Variants in NF1 observed in about 807,000 individuals in gnomAD.
The protein encoded by NF1 is neurofibromin.
In NF1, 122 loss-of-function variants were observed where a neutral mutation model predicts 325.7. That is an observed-to-expected ratio of 0.37 (90% CI 0.32 to 0.44). The LOEUF (loss-of-function observed/expected upper bound fraction) is 0.44, where lower values mean the gene tolerates loss of function less well. Among genes scored for constraint, NF1 ranks in the 20% least tolerant of loss-of-function variants. NF1 has a pLI of 1.00. For missense variants in NF1, 2,140 were observed against 3,415.4 expected (o/e 0.63, Z 9.31); for synonymous variants, 1,091 against 1,186.0 (o/e 0.92, Z 1.65).
Position 31,232,895 on chromosome 17 carries a change from A to G in NF1, c.3496+14A>G, listed in dbSNP as rs2151434934. The G allele has an allele frequency of 8.1e-6, 13 of 1,614,082 alleles. No individual in the cohort carries two copies. The highest frequency in any genetic ancestry group is 6.7e-5 in the African/African-American group (5 of 75,050). On this transcript the variant is annotated intron_variant, in intron 26 of 57. Coordinates refer to ENST00000358273, the MANE Select transcript of NF1 (RefSeq NM_001042492.3). The stretch of plus-strand genomic sequence containing the variant: ...TGCACTCCATAGGTGAGATCAAATG[A>G]AAGTTTCATATAGAAATACAAAACC...
chr17:31,164,441 CAAGTA>C (rs1057092455), intron 4 of NF1, among the ~76,000 whole-genome samples: 4 of 152,076 alleles, frequency 2.6e-5, no homozygotes, highest in Admixed American at 1.3e-4. Context: ...CTTTCTAAGG[CAAGTA>C]AAGTCAGATG....
chr17:31,188,874 A>G (rs1416875782), intron 8 of NF1, among the ~76,000 whole-genome samples: 1 of 152,092 alleles, frequency 6.6e-6, no homozygotes, highest in Non-Finnish European at 1.5e-5. Context: ...CAGTTTTGGA[A>G]CTTGGACTGG....
chr17:31,330,229 A>G (rs2151544194), intron 38 of NF1, 67 bp from the exon 39 acceptor site: 2 of 1,315,966 alleles, frequency 1.5e-6, no homozygotes, highest in East Asian at 2.3e-5. Context: ...ATTGTATGTT[A>G]TGAAAAAATT....
At chr17:31,108,910 T>C (rs1401734637) in intron 1 of NF1, among the ~76,000 whole-genome samples, 7 of 152,182 alleles carry the variant, frequency 4.6e-5, no homozygotes, top group Non-Finnish European at 8.8e-5. Context: ...ACCTGCACTT[T>C]TTCACAGGGA....
chr17:31,254,589 T>C (rs2067550635), intron 31 of NF1, among the ~76,000 whole-genome samples: 1 of 152,294 alleles, frequency 6.6e-6, no homozygotes, highest in Admixed American at 6.5e-5. Flanking sequence ...ACACTCTTGT[T>C]CAGTGTTATA....
At chr17:31,295,045 G>C in intron 36 of NF1, 1 of 1,614,118 alleles carries the variant, frequency 6.2e-7, no homozygotes, top group Non-Finnish European at 8.5e-7. Flanking sequence ...TGAGCAATAA[G>C]AGAAATGAAG....
intron 1 of NF1, among the ~76,000 whole-genome samples, chr17:31,134,462 ATTAG>A (rs1041502544): frequency 6.6e-6 from 1 of 152,144 alleles, no homozygotes; most frequent in African/African-American, 2.4e-5. Context: ...GAACATATTT[ATTAG>A]TTATTTATTG....
intron 1 of NF1, among the ~76,000 whole-genome samples, chr17:31,105,968 T>C (rs141346017): frequency 6.6e-5 from 10 of 152,358 alleles, no homozygotes; most frequent in African/African-American, 2.4e-4. Flanking sequence ...ATTTAACTTA[T>C]TTTTAATCAA....
chr17:31,197,226 T>G (rs1419324057), intron 8 of NF1, among the ~76,000 whole-genome samples: 1 of 151,986 alleles, frequency 6.6e-6, no homozygotes, highest in African/African-American at 2.4e-5. Context: ...TTTTGTATTT[T>G]TAGTAGAAAC....
At chr17:31,304,444 G>A in intron 36 of NF1, 6 of 1,614,132 alleles carry the variant, frequency 3.7e-6, no homozygotes, top group Non-Finnish European at 5.1e-6. Context: ...TATTATCTCA[G>A]ATTTATGATC....
chr17:31,156,852 T>C (rs1012310903), intron 2 of NF1, among the ~76,000 whole-genome samples: 2 of 152,180 alleles, frequency 1.3e-5, no homozygotes, highest in Non-Finnish European at 2.9e-5. Flanking sequence ...TCTCTCTAAA[T>C]TCCTATTTAA....
At chr17:31,170,033 A>C in intron 5 of NF1, 36 bp downstream of exon 5, 2 of 1,386,634 alleles carry the variant, frequency 1.4e-6, no homozygotes, top group Non-Finnish European at 2.0e-6. Flanking sequence ...GAAAAAAATC[A>C]CTGGGTCAAA....
chr17:31,096,946 T>C (rs564222602), intron 1 of NF1, among the ~76,000 whole-genome samples: 14 of 151,534 alleles, frequency 9.2e-5, no homozygotes, highest in African/African-American at 3.4e-4. Context: ...GACTCTGTAA[T>C]TTTAAGAAAG....
intron 36 of NF1, chr17:31,305,206 G>A (rs2068681934): frequency 2.5e-6 from 4 of 1,614,174 alleles, no homozygotes; most frequent in East Asian, 2.2e-5. Flanking sequence ...TGGTTGTGTG[G>A]TAGAAGTACG....
At chr17:31,284,617 CGCTATGTTG>C (rs1223649619) in intron 36 of NF1, among the ~76,000 whole-genome samples, 2 of 151,638 alleles carry the variant, frequency 1.3e-5, no homozygotes, top group Non-Finnish European at 2.9e-5. Flanking sequence ...GACGGGGTTT[CGCTATGTTG>C]GCCAGGCTGG....
At chr17:31,311,671 G>A (rs1404808720) in intron 36 of NF1, among the ~76,000 whole-genome samples, 1 of 152,182 alleles carries the variant, frequency 6.6e-6, no homozygotes, top group Non-Finnish European at 1.5e-5. Context: ...AATTAGCTAG[G>A]TGGTGGTTTT....
chr17:31,202,157 T>C (rs2066541749), intron 11 of NF1, among the ~76,000 whole-genome samples: 1 of 152,236 alleles, frequency 6.6e-6, no homozygotes, highest in Non-Finnish European at 1.5e-5. Context: ...ATTTGGACTG[T>C]GGATTTTTAA....
intron 5 of NF1, among the ~76,000 whole-genome samples, chr17:31,172,435 A>G (rs149707015): frequency 3.9e-5 from 6 of 152,266 alleles, no homozygotes; most frequent in African/African-American, 1.4e-4. Flanking sequence ...GTGTATATCC[A>G]GATCTGTCTA....
At chr17:31,361,867 A>G (rs1371710151) in intron 57 of NF1, among the ~76,000 whole-genome samples, 1 of 152,242 alleles carries the variant, frequency 6.6e-6, no homozygotes, top group Non-Finnish European at 1.5e-5. Context: ...TCTGCTTAAC[A>G]ACAAAGCTTT....
Sources: allele counts gnomAD v4.1 joint callset (sites outside exome capture counted in the v4.1 genomes callset), GRCh38; gene constraint gnomAD v4.1.1; transcripts MANE v1.5; gene names NCBI Gene and HGNC (gene_info 2026-07-23, HGNC 2026-07-21).